Variants in PRLR observed in about 807,000 individuals in gnomAD.
PRLR encodes hPRL receptor.
In PRLR, 13 loss-of-function variants were observed where a neutral mutation model predicts 40.2. The ratio of observed to expected loss-of-function variants is 0.32; its 90% CI spans 0.21 to 0.51. The LOEUF is 0.51. Among genes scored for constraint, PRLR ranks in the 20% least tolerant of loss-of-function variants. The pLI, the probability that PRLR is intolerant of heterozygous loss-of-function variation, is 0.97. For missense variants in PRLR, 656 were observed against 747.3 expected, an observed-to-expected ratio of 0.88 and a Z score of 1.42; for synonymous variants, 269 against 278.7, an observed-to-expected ratio of 0.97 and a Z score of 0.35.
intron 1 of PRLR, among the ~76,000 whole-genome samples, chr5:35,146,105 C>T (rs1369537183): frequency 6.6e-6 from 1 of 152,218 alleles, no homozygotes; most frequent in Non-Finnish European, 1.5e-5. Context: ...TCTTATGAAG[C>T]TAGACCTGCT....
intron 2 of PRLR, among the ~76,000 whole-genome samples, chr5:35,094,495 G>A (rs1020812195): frequency 2.6e-5 from 4 of 152,098 alleles, no homozygotes; most frequent in African/African-American, 9.7e-5. Context: ...TTTGGGTTTT[G>A]CTGAGATTGA....
rs538149838 is a variant in PRLR, at chr5:35,167,891, A to T, written c.-105-49769T>A. Reference sequence around the variant, plus strand: ...AGGGATTAAAATAGAAACAAAGAATAGGTGAGACAACAGAAAAAGAAATAC... The same window carrying T: ...AGGGATTAAAATAGAAACAAAGAATTGGTGAGACAACAGAAAAAGAAATAC... On this transcript the variant is annotated intron_variant, in intron 1 of 9. Transcript: ENST00000618457. Among the ~76,000 whole-genome samples the T allele has an allele frequency of 4.0e-3, 616 of 152,200 alleles. 3 individuals carry two copies. The highest frequency in any genetic ancestry group is 0.014 in the African/African-American group (597 of 41,570).
At chr5:35,176,108 T>C (rs967120083) in intron 1 of PRLR, among the ~76,000 whole-genome samples, 2 of 152,226 alleles carry the variant, frequency 1.3e-5, no homozygotes, top group African/African-American at 4.8e-5. Flanking sequence ...CTGAGTGATT[T>C]GATAAAACTC....
chr5:35,070,065 C>A, intron 7 of PRLR, 59 bp downstream of exon 7: 1 of 1,552,552 alleles, frequency 6.4e-7, no homozygotes, highest in Non-Finnish European at 8.7e-7. Flanking sequence ...TTATTATATG[C>A]AAATATACCA....
intron 2 of PRLR, among the ~76,000 whole-genome samples, chr5:35,116,926 C>A (rs1404550158): frequency 6.6e-6 from 1 of 152,176 alleles, no homozygotes; most frequent in Non-Finnish European, 1.5e-5. Flanking sequence ...TTGTCCCCAC[C>A]TGGAAGACAT....
At chr5:35,086,147 T>C (rs1770835299) in intron 4 of PRLR, 61 bp downstream of exon 4, 2 of 1,590,602 alleles carry the variant, frequency 1.3e-6, no homozygotes, top group South Asian at 1.1e-5. Flanking sequence ...CCAGTGTTTC[T>C]TTGGCCTGGA....
chr5:35,191,048 C>CTTTTTTTTTTTTTTTTTTT (rs869174221), intron 1 of PRLR, among the ~76,000 whole-genome samples: 1 of 68,114 alleles, frequency 1.5e-5, no homozygotes, highest in Admixed American at 2.0e-4. Context: ...GTGTTATTTT[C>CTTTTTTTTTTTTTTTTTTT]TTTTTTTTTT....
intron 2 of PRLR, among the ~76,000 whole-genome samples, chr5:35,090,344 C>T (rs1214243509): frequency 1.3e-5 from 2 of 151,978 alleles, no homozygotes; most frequent in African/African-American, 2.4e-5. Context: ...TCTGAACCTG[C>T]AGGGGTTGGG....
At chr5:35,136,834 T>G (rs146891167) in intron 1 of PRLR, among the ~76,000 whole-genome samples, 128 of 152,278 alleles carry the variant, frequency 8.4e-4, no homozygotes, top group African/African-American at 3.0e-3. Context: ...CAGTTTCTGA[T>G]TCACAGTTCT....
chr5:35,211,900 A>G (rs1776177048), intron 1 of PRLR, among the ~76,000 whole-genome samples: 1 of 152,216 alleles, frequency 6.6e-6, no homozygotes, highest in Non-Finnish European at 1.5e-5. Flanking sequence ...AATACTTGGC[A>G]TTAAGAGAGT....
chr5:35,120,412 C>T (rs569057211), intron 1 of PRLR, among the ~76,000 whole-genome samples: 1 of 152,174 alleles, frequency 6.6e-6, no homozygotes, highest in Non-Finnish European at 1.5e-5. Flanking sequence ...TTCTGTCTGA[C>T]CCTAAGATGG....
intron 1 of PRLR, among the ~76,000 whole-genome samples, chr5:35,181,587 T>C (rs1775299118): frequency 6.6e-6 from 1 of 152,222 alleles, no homozygotes; most frequent in African/African-American, 2.4e-5. Flanking sequence ...CATATCCAAT[T>C]TTCATAACAT....
intron 5 of PRLR, among the ~76,000 whole-genome samples, chr5:35,079,510 G>C (rs1190969063): frequency 6.6e-6 from 1 of 152,090 alleles, no homozygotes; most frequent in Non-Finnish European, 1.5e-5. Context: ...GGGATGTGAA[G>C]GACCTCTTCA....
chr5:35,117,895 G>A (rs566474006), intron 2 of PRLR, among the ~76,000 whole-genome samples, 166 bp downstream of exon 2: 49 of 152,306 alleles, frequency 3.2e-4, no homozygotes, highest in African/African-American at 1.1e-3. Flanking sequence ...ACAGGCTGGG[G>A]AGACTGAAAC....
intron 6 of PRLR, 70 bp from the exon 7 acceptor site, chr5:35,070,335 A>C (rs1769668726): frequency 6.5e-7 from 1 of 1,532,770 alleles, no homozygotes; most frequent in Non-Finnish European, 9.0e-7. Context: ...TTTCCCCTAA[A>C]AAATAAACTA....
At chr5:35,194,842 T>A (rs12522419) in intron 1 of PRLR, among the ~76,000 whole-genome samples, 1 of 152,196 alleles carries the variant, frequency 6.6e-6, no homozygotes, top group Non-Finnish European at 1.5e-5. Context: ...CAGGTCATTA[T>A]ACATTTGTTA....
intron 1 of PRLR, among the ~76,000 whole-genome samples, chr5:35,163,263 T>A (rs1239034190): frequency 6.6e-6 from 1 of 152,166 alleles, no homozygotes; most frequent in Non-Finnish European, 1.5e-5. Context: ...GAGCCTAATT[T>A]TTCATGGCCG....
chr5:35,161,927 G>A (rs1410548988), intron 1 of PRLR, among the ~76,000 whole-genome samples: 1 of 152,186 alleles, frequency 6.6e-6, no homozygotes, highest in Non-Finnish European at 1.5e-5. Flanking sequence ...AAAGTCTTGT[G>A]AGACAGAAAA....
chr5:35,167,308 A>G (rs566755506), intron 1 of PRLR, among the ~76,000 whole-genome samples: 9 of 152,080 alleles, frequency 5.9e-5, no homozygotes, highest in Admixed American at 1.3e-4. Context: ...GCATTTGCCA[A>G]TTTTTGGAGC....
Sources: allele counts gnomAD v4.1 joint callset (sites outside exome capture counted in the v4.1 genomes callset), GRCh38; gene constraint gnomAD v4.1.1; transcripts MANE v1.5; gene names NCBI Gene and HGNC (gene_info 2026-07-23, HGNC 2026-07-21).